Variants in GPI observed in about 807,000 individuals in gnomAD.
The protein encoded by GPI is glucose-6-phosphate isomerase, also known as D-hexose-6-phosphate anomerase.
A neutral mutation model predicts 75.8 loss-of-function variants in GPI; 56 were observed. The observed-to-expected ratio is 0.74, with a 90% CI of 0.60 to 0.92. GPI has a LOEUF of 0.92. GPI is among the 40% of genes least tolerant of loss of function. The probability of loss-of-function intolerance (pLI) is 0.00; values close to 1 mark genes in which losing one functional copy is unlikely to be tolerated. For missense variants in GPI, 638 were observed against 741.0 expected (o/e 0.86, Z 1.61); for synonymous variants, 288 against 285.4 (o/e 1.01, Z -0.09).
intron 8 of GPI, among the ~76,000 whole-genome samples, chr19:34,380,294 C>T (rs1274519570): frequency 2.0e-5 from 3 of 149,658 alleles, no homozygotes; most frequent in East Asian, 2.0e-4. Flanking sequence ...CCATGTCCAG[C>T]TTATTTTTTG....
intron 8 of GPI, 96 bp from the exon 9 acceptor site, chr19:34,381,370 T>C: frequency 1.2e-6 from 1 of 856,348 alleles, no homozygotes; most frequent in Non-Finnish European, 2.0e-6. Flanking sequence ...GAGGCTCAGC[T>C]CACGGAGCAC....
intron 12 of GPI, among the ~76,000 whole-genome samples, chr19:34,395,157 C>T (rs1396012502): frequency 2.0e-5 from 3 of 152,164 alleles, no homozygotes; most frequent in Non-Finnish European, 4.4e-5. Flanking sequence ...ATCCCAGCTG[C>T]CTTGGTGAGG....
At chr19:34,370,842 C>G (rs766360688) in intron 4 of GPI, among the ~76,000 whole-genome samples, 1 of 152,104 alleles carries the variant, frequency 6.6e-6, no homozygotes, top group Non-Finnish European at 1.5e-5. Flanking sequence ...TGCTTGAGCC[C>G]GGGAGGTTGA....
chr19:34,381,746 A>T, intron 9 of GPI: 1 of 612,684 alleles, frequency 1.6e-6, no homozygotes, highest in Non-Finnish European at 2.9e-6. Flanking sequence ...GCCACATGAC[A>T]CTCCCTTGGG....
Position 34,393,986 on chromosome 19 carries a change from A to G in GPI, c.982A>G (p.Ile328Val). The change falls in exon 12 of 18, where the codon ATC (isoleucine) becomes GTC (valine). Residue 328 changes from isoleucine (I) to valine (V), a missense_variant. Ile to Val is a conservative substitution (Grantham distance 29, BLOSUM62 3). Transcript: ENST00000356487. The surrounding 1 kb of genome is among the most constrained non-coding windows in gnomAD (Gnocchi z 4.4). ...VLLALLGIWY[I>V]NCFGCETHAM... Reference sequence around the variant, plus strand: ...GCTGGCCCTGCTGGGTATCTGGTACATCAACTGCTTTGGGTGTGAGACACA... The same window carrying G: ...GCTGGCCCTGCTGGGTATCTGGTACGTCAACTGCTTTGGGTGTGAGACACA... 6.2e-7 allele frequency: 1 copy of G among 1,613,508 alleles called. No homozygotes were observed. The highest frequency in any genetic ancestry group is 8.5e-7 in the Non-Finnish European group (1 of 1,179,726).
upstream of GPI, among the ~76,000 whole-genome samples, chr19:34,361,509 C>T (rs1217120205): frequency 6.6e-6 from 1 of 152,144 alleles, no homozygotes; most frequent in Non-Finnish European, 1.5e-5. Context: ...CGTAGTAAAC[C>T]TGGCTGGAGT....
At chr19:34,360,717 A>C (rs562768742), upstream of GPI, among the ~76,000 whole-genome samples, 28 of 152,326 alleles carry the variant, frequency 1.8e-4, no homozygotes, top group African/African-American at 6.0e-4. Context: ...GGTCTCAGGA[A>C]GGAACCAGGC....
In GPI at chr19:34,394,032, A is replaced by G. The variant is rs267606851; in HGVS notation, c.1028A>G (p.Gln343Arg). Reference sequence around the variant, plus strand: ...ACACACGCCATGCTGCCCTATGACCAGTACCTGCACCGCTTTGCTGCGTAC... The same window carrying G: ...ACACACGCCATGCTGCCCTATGACCGGTACCTGCACCGCTTTGCTGCGTAC... ...CETHAMLPYD[Q>R]YLHRFAAYFQ... is the part of the protein sequence containing the mutation. Residue 343 changes from glutamine (Q) to arginine (R), a missense_variant, in exon 12 of 18, where the codon CAG becomes CGG. Gln to Arg is a conservative substitution (Grantham distance 43). Transcript: ENST00000356487. The G allele has an allele frequency of 9.3e-6, 15 of 1,613,148 alleles. No individual in the cohort carries two copies. Among genetic ancestry groups the G allele is most frequent in the Non-Finnish European group, 1.3e-5 (15 of 1,179,874 alleles).
upstream of GPI, chr19:34,363,320 A>G (rs2074312108): frequency 6.6e-6 from 1 of 152,298 alleles, no homozygotes; most frequent in Admixed American, 6.6e-5. Context: ...AAAAAAAAAA[A>G]GAAGGAGGAG....
At chr19:34,360,000 G>C (rs926561223), upstream of GPI, 4 of 152,244 alleles carry the variant, frequency 2.6e-5, no homozygotes, top group African/African-American at 9.7e-5. Flanking sequence ...GACTGTCCCC[G>C]GACTTCCTAA....
chr19:34,393,599 G>A lies in GPI; in HGVS notation c.866-129G>A, dbSNP rs2074898888. On this transcript the variant is annotated intron_variant, in intron 10 of 17. Transcript: ENST00000356487. The surrounding 1 kb of genome is among the most constrained non-coding windows in gnomAD (Gnocchi z 4.4). ...CTCTCACTGGAGGGGCTTTGTCTAG[G>A]TCCGAGTCCTCCCATGTCGTATCTT... is the stretch of plus-strand genomic sequence containing the variant. 1 of 898,636 alleles carries A rather than the reference G, an allele frequency of 1.1e-6. No individual in the cohort carries two copies. The highest frequency in any genetic ancestry group is 1.6e-5 in the African/African-American group (1 of 61,218). 55.7% of individuals were successfully genotyped at this position (898,636 alleles called of 1,614,324 possible).
intron 4 of GPI, among the ~76,000 whole-genome samples, chr19:34,370,993 G>A (rs1016838073): frequency 1.1e-4 from 17 of 152,228 alleles, no homozygotes; most frequent in African/African-American, 4.1e-4. Flanking sequence ...CCATGTGATG[G>A]TCTTTGGGTG....
intron 9 of GPI, among the ~76,000 whole-genome samples, chr19:34,385,514 A>G (rs1205122767): frequency 6.6e-6 from 1 of 152,178 alleles, no homozygotes; most frequent in Admixed American, 6.5e-5. Context: ...CTTCGGGTCT[A>G]TCAGGTCTGA....
intron 8 of GPI, chr19:34,380,848 C>T (rs1420386043): frequency 5.4e-6 from 1 of 186,608 alleles, no homozygotes. Flanking sequence ...AGCAGGACGC[C>T]ATAAGGCTGG....
chr19:34,363,957 TC>T (rs1329278621), upstream of GPI, among the ~76,000 whole-genome samples: 1 of 152,208 alleles, frequency 6.6e-6, no homozygotes, highest in Non-Finnish European at 1.5e-5. Flanking sequence ...ACAGGGCTGT[TC>T]CCTGGAAAGT....
intron 8 of GPI, chr19:34,379,970 T>G: frequency 4.4e-6 from 1 of 227,458 alleles, no homozygotes. Context: ...TTTTGCCCCC[T>G]ACTTAGTGTG....
At chr19:34,399,657 G>A (rs2074993603) in intron 16 of GPI, 26 bp downstream of exon 16, 2 of 1,613,914 alleles carry the variant, frequency 1.2e-6, no homozygotes, top group Non-Finnish European at 1.7e-6. Context: ...AAAGGTCCTG[G>A]CTTGGGGTAG....
At chr19:34,366,511 G>A in intron 2 of GPI, 76 bp downstream of exon 2, 1 of 974,288 alleles carries the variant, frequency 1.0e-6, no homozygotes, top group Middle Eastern at 2.1e-4. Context: ...GAGTCCCCAG[G>A]ACCTTGAGTA....
chr19:34,362,620 CCAAA>C (rs112585128), upstream of GPI, among the ~76,000 whole-genome samples: 1,220 of 152,232 alleles, frequency 8.0e-3, 8 homozygotes, highest in African/African-American at 0.027. Context: ...CAACTGAACT[CCAAA>C]CAGACACTAA....
Sources: allele counts gnomAD v4.1 joint callset (sites outside exome capture counted in the v4.1 genomes callset), GRCh38; gene constraint gnomAD v4.1.1; non-coding constraint Gnocchi (gnomAD v3.1); transcripts MANE v1.5; gene names NCBI Gene and HGNC (gene_info 2026-07-23, HGNC 2026-07-21).